SAFB: variants seen among roughly 807,000 people sequenced by gnomAD.
SAFB encodes the protein scaffold attachment factor B.
In SAFB, 15 loss-of-function variants were observed where a neutral mutation model predicts 101.6. The ratio of observed to expected loss-of-function variants is 0.15; its 90% CI spans 0.10 to 0.23. The LOEUF (loss-of-function observed/expected upper bound fraction) is 0.23, where lower values mean the gene tolerates loss of function less well. Among genes scored for constraint, SAFB ranks in the 10% least tolerant of loss-of-function variants. The probability of loss-of-function intolerance (pLI) is 1.00; values close to 1 mark genes in which losing one functional copy is unlikely to be tolerated. For synonymous variants in SAFB, 449 were observed against 407.5 expected (o/e 1.10, Z -1.23); for missense variants, 930 against 1,104.1 (o/e 0.84, Z 2.23).
chr19:5,663,812 C>A (rs547375606), intron 15 of SAFB, among the ~76,000 whole-genome samples: 3 of 152,144 alleles, frequency 2.0e-5, no homozygotes, highest in Non-Finnish European at 4.4e-5. Flanking sequence ...AAACCGAGGC[C>A]GCTTTTCATC....
At chr19:5,663,561 G>A (rs973603273) in intron 15 of SAFB, among the ~76,000 whole-genome samples, 1 of 152,156 alleles carries the variant, frequency 6.6e-6, no homozygotes, top group Non-Finnish European at 1.5e-5. Flanking sequence ...GCTTTGGTAC[G>A]AAATCCTTCT....
intron 2 of SAFB, among the ~76,000 whole-genome samples, chr19:5,628,293 T>C (rs1204438949): frequency 6.6e-6 from 1 of 152,174 alleles, no homozygotes; most frequent in African/African-American, 2.4e-5. Flanking sequence ...AGACCGAATG[T>C]TCTCTTGGTT....
intron 2 of SAFB, among the ~76,000 whole-genome samples, chr19:5,634,297 A>G (rs1245206090): frequency 2.0e-5 from 3 of 152,062 alleles, no homozygotes; most frequent in African/African-American, 7.2e-5. Context: ...ATAATAGTCT[A>G]AAAAGAAAAT....
chr19:5,663,162 C>T (rs1049252094), intron 15 of SAFB, among the ~76,000 whole-genome samples: 1 of 151,726 alleles, frequency 6.6e-6, no homozygotes, highest in Admixed American at 6.6e-5. Flanking sequence ...GCTACCACAC[C>T]CGGCTAATTT....
Position 5,663,948 on chromosome 19 carries a change from G to A in SAFB, c.2154-74G>A, listed in dbSNP as rs2054272100. ...ATCCTGGTTCTGTGAAGTGCTAGGGGCCAGCTCCCACAAAGGTGATAGATA... is the reference window on the plus strand; with the variant it reads ...ATCCTGGTTCTGTGAAGTGCTAGGGACCAGCTCCCACAAAGGTGATAGATA... On this transcript the variant is annotated intron_variant, in intron 15 of 20. Transcript: ENST00000588852. 3 of 1,512,852 alleles carry A rather than the reference G, an allele frequency of 2.0e-6. No individual in the cohort carries two copies. In the Admixed American group the frequency reaches 5.5e-5, roughly 28 times the overall value. 93.7% of individuals were successfully genotyped at this position (1,512,852 alleles called of 1,614,324 possible). A position where few individuals can be genotyped will look rare whatever the true frequency, so the allele number is the denominator to read the frequency against.
intron 2 of SAFB, among the ~76,000 whole-genome samples, chr19:5,639,005 G>A (rs1307040967): frequency 6.6e-6 from 1 of 152,148 alleles, no homozygotes. Context: ...GGGATTATAG[G>A]CATGAGCCAC....
At chr19:5,624,673 G>C (rs1024914130) in intron 1 of SAFB, among the ~76,000 whole-genome samples, 46 of 150,548 alleles carry the variant, frequency 3.1e-4, no homozygotes, top group Middle Eastern at 3.4e-3. Context: ...AATTGGTGAT[G>C]AGAAGAAGTA....
chr19:5,667,474 AC>A lies in SAFB; in HGVS notation c.2557+26del. On this transcript the variant is annotated intron_variant, in intron 19 of 20. Coordinates refer to ENST00000588852, the MANE Select transcript of SAFB (RefSeq NM_001201338.2). This position sits in a 1 kb window ranked among gnomAD's most constrained non-coding sequence, Gnocchi z 4.0. ...AGGTGAGGAGCAGCTCTGGGCTGGGACCAGGATGTGCTGGGGAGTGATGGAA... is the reference window on the plus strand; with the variant it reads ...AGGTGAGGAGCAGCTCTGGGCTGGGACAGGATGTGCTGGGGAGTGATGGAA... 1 of 1,463,536 alleles carries A rather than the reference AC, an allele frequency of 6.8e-7. No individual in the cohort carries two copies. Among genetic ancestry groups the A allele is most frequent in the Non-Finnish European group, 9.2e-7 (1 of 1,088,796 alleles). The allele number at this position is 1,463,536 out of a possible 1,614,324, so 90.7% of individuals were successfully genotyped here.
chr19:5,668,324 A>G lies in SAFB; in HGVS notation c.*33A>G. 6.2e-7 allele frequency: 1 copy of G among 1,602,022 alleles called. No individual in the cohort carries two copies. Among genetic ancestry groups the G allele is most frequent in the Non-Finnish European group, 8.5e-7 (1 of 1,177,264 alleles). On this transcript the variant is annotated 3_prime_UTR_variant, in exon 21 of 21. Coordinates refer to ENST00000588852, the MANE Select transcript of SAFB (RefSeq NM_001201338.2). The stretch of plus-strand genomic sequence containing the variant: ...GAATCCTGTGTCCTGTCTCGTGGCA[A>G]CAAGGCTATGTTCTGTTAGGAGTTA...
intron 2 of SAFB, among the ~76,000 whole-genome samples, chr19:5,637,931 C>T (rs919532168): frequency 6.6e-6 from 1 of 152,198 alleles, no homozygotes; most frequent in Non-Finnish European, 1.5e-5. Flanking sequence ...GGAAGACAGT[C>T]AAAGAGTTTA....
rs1362776129 is a variant in SAFB at position 5,641,735 on chromosome 19, C to A, written c.340-5C>A. ...ACATGATGGTTCGGTCTGGTTGTGT[C>A]ACAGGAGGATGTTGAGACCAGTCTG... On this transcript the variant is annotated splice_region_variant and splice_polypyrimidine_tract_variant and intron_variant, in intron 3 of 20. Transcript: ENST00000588852. 6.2e-7 allele frequency: 1 copy of A among 1,613,770 alleles called. No homozygotes were observed. Among genetic ancestry groups the A allele is most frequent in the African/African-American group, 1.3e-5 (1 of 74,848 alleles).
chr19:5,636,077 A>G (rs2053589067), intron 2 of SAFB, among the ~76,000 whole-genome samples: 1 of 152,018 alleles, frequency 6.6e-6, no homozygotes, highest in Non-Finnish European at 1.5e-5. Context: ...ATTTCCAGTC[A>G]CATTTTACCT....
At chr19:5,651,439 GGAACTCA>G (rs1381659447) in intron 9 of SAFB, among the ~76,000 whole-genome samples, 2 of 152,180 alleles carry the variant, frequency 1.3e-5, no homozygotes, top group African/African-American at 4.8e-5. Context: ...TCGTGATGCT[GGAACTCA>G]GAACTCAGAA....
chr19:5,663,702 C>T (rs970511577), intron 15 of SAFB, among the ~76,000 whole-genome samples: 2 of 152,136 alleles, frequency 1.3e-5, no homozygotes, highest in African/African-American at 2.4e-5. Flanking sequence ...GGTGGAGGCT[C>T]ACGTGGTCTT....
intron 13 of SAFB, among the ~76,000 whole-genome samples, chr19:5,655,264 C>T (rs561048320): frequency 6.6e-6 from 1 of 152,072 alleles, no homozygotes; most frequent in African/African-American, 2.4e-5. Flanking sequence ...TGGATACCAC[C>T]TTGGGCAACA....
intron 9 of SAFB, among the ~76,000 whole-genome samples, chr19:5,651,791 G>A (rs1024688845): frequency 6.6e-6 from 1 of 152,176 alleles, no homozygotes; most frequent in Non-Finnish European, 1.5e-5. Flanking sequence ...TCGGTTTCGG[G>A]GACTACCAAA....
At chr19:5,625,233 G>A (rs2053331733) in intron 1 of SAFB, among the ~76,000 whole-genome samples, 1 of 152,120 alleles carries the variant, frequency 6.6e-6, no homozygotes. Flanking sequence ...TATTTTTCCA[G>A]GAAGGGCAAA....
chr19:5,654,911 C>G (rs1036054724), intron 13 of SAFB, among the ~76,000 whole-genome samples: 2 of 152,238 alleles, frequency 1.3e-5, no homozygotes, highest in Non-Finnish European at 1.5e-5. Context: ...TTTATCCTTA[C>G]TTTTGCTCTG....
intron 1 of SAFB, among the ~76,000 whole-genome samples, chr19:5,625,504 C>T (rs1396337152): frequency 6.6e-6 from 1 of 152,168 alleles, no homozygotes; most frequent in East Asian, 1.9e-4. Context: ...GGCTTCCAAA[C>T]CTCTGCAGAT....
Sources: gnomAD v4.1 joint callset for allele counts (sites outside exome capture counted in the v4.1 genomes callset) on GRCh38, gnomAD v4.1.1 for gene constraint, Gnocchi (gnomAD v3.1) non-coding constraint, MANE v1.5 for transcripts, NCBI Gene and HGNC (gene_info 2026-07-23, HGNC 2026-07-21) for gene names.